LINGO2: variants seen among roughly 807,000 people sequenced by gnomAD.
LINGO2 encodes leucine rich repeat and Ig domain containing 2, also known as leucine-rich repeat and immunoglobulin-like domain-containing nogo receptor-interacting protein 2.
Under a neutral mutation model 30.6 loss-of-function variants are expected in LINGO2, and 14 were observed. That is an observed-to-expected ratio of 0.46 (90% CI 0.30 to 0.72). The LOEUF is 0.72. Among genes scored for constraint, LINGO2 ranks in the 30% least tolerant of loss-of-function variants. The pLI is 0.07. For synonymous variants in LINGO2, 317 were observed against 288.5 expected (o/e 1.10, Z -1.00); for missense variants, 729 against 751.7 (o/e 0.97, Z 0.35).
the LINGO2 span, among the ~76,000 whole-genome samples, chr9:28,693,860 TC>T: frequency 6.6e-6 from 1 of 152,086 alleles, no homozygotes; most frequent in Non-Finnish European, 1.5e-5. Flanking sequence ...TAAATTGCTT[TC>T]CCATGTTGTT....
At chr9:28,785,845 T>C in the LINGO2 span, among the ~76,000 whole-genome samples, 6 of 152,222 alleles carry the variant, frequency 3.9e-5, no homozygotes, top group African/African-American at 1.2e-4. Flanking sequence ...AAGGGACTTA[T>C]ATTGATGTTA....
At chr9:28,793,865 T>G in the LINGO2 span, among the ~76,000 whole-genome samples, 1 of 152,160 alleles carries the variant, frequency 6.6e-6, no homozygotes, top group Admixed American at 6.5e-5. Context: ...TTCACATGCA[T>G]ATTAAAGTTT....
intron 1 of LINGO2, among the ~76,000 whole-genome samples, chr9:28,496,361 A>G (rs2135292037): frequency 6.6e-6 from 1 of 152,124 alleles, no homozygotes; most frequent in Admixed American, 6.5e-5. Flanking sequence ...GGGTGCATAT[A>G]TATTTAGGAT....
intron 4 of LINGO2, among the ~76,000 whole-genome samples, chr9:28,239,953 G>A (rs1380249249): frequency 3.9e-5 from 6 of 151,954 alleles, no homozygotes; most frequent in African/African-American, 7.2e-5. Context: ...ATACAAAATC[G>A]TCATATAAAA....
chr9:28,776,700 T>G, the LINGO2 span, among the ~76,000 whole-genome samples: 1 of 152,138 alleles, frequency 6.6e-6, no homozygotes. Flanking sequence ...AGACACTGTC[T>G]TTCCTTTTCA....
chr9:28,298,499 CAAAAA>C (rs113910404), intron 3 of LINGO2, among the ~76,000 whole-genome samples: 2 of 112,386 alleles, frequency 1.8e-5, no homozygotes, highest in African/African-American at 6.5e-5. Context: ...CTGTCTCTAC[CAAAAA>C]AAAAAAAAAA....
chr9:28,119,346 G>GATTTTAAGCTGTAATGAAGTAGTT (rs1827027029), intron 4 of LINGO2, among the ~76,000 whole-genome samples: 21 of 152,296 alleles, frequency 1.4e-4, no homozygotes, highest in Admixed American at 1.4e-3. Context: ...AGAAATACAT[G>GATTTTAAGCTGTAATGAAGTAGTT]ATTTTAAGCT....
chr9:28,203,258 A>G (rs1820298547), intron 4 of LINGO2, among the ~76,000 whole-genome samples: 2 of 152,182 alleles, frequency 1.3e-5, no homozygotes, highest in Non-Finnish European at 1.5e-5. Context: ...ACTACTTGAG[A>G]GTACTTTTAT....
exon 6 of LINGO2, chr9:27,950,640 G>T: frequency 6.6e-7 from 1 of 1,512,348 alleles, no homozygotes; most frequent in South Asian, 1.4e-5. Flanking sequence ...ACCCAGGAAT[G>T]GCTGCCAGCA....
intron 1 of LINGO2, among the ~76,000 whole-genome samples, chr9:28,512,593 G>A (rs10118465): frequency 0.39 from 3,588 of 9,186 alleles, 262 homozygotes; most frequent in East Asian, 0.42. Flanking sequence ...ATATATGTGT[G>A]TATATATATA....
At chr9:28,084,374 G>A (rs1825851865) in intron 4 of LINGO2, among the ~76,000 whole-genome samples, 2 of 151,974 alleles carry the variant, frequency 1.3e-5, no homozygotes, top group African/African-American at 4.8e-5. Context: ...CAAAAGATAA[G>A]TAAAATATTT....
At chr9:29,209,313 G>A in the LINGO2 span, among the ~76,000 whole-genome samples, 11 of 152,134 alleles carry the variant, frequency 7.2e-5, no homozygotes, top group African/African-American at 2.4e-4. Context: ...ATAAACTGAT[G>A]ACTCGAACTC....
the LINGO2 span, among the ~76,000 whole-genome samples, chr9:29,022,927 A>G: frequency 6.6e-6 from 1 of 151,952 alleles, no homozygotes; most frequent in Admixed American, 6.6e-5. Context: ...ATTTCTGAAT[A>G]AGTGAACTCA....
rs1381096508 is a variant in LINGO2 at position 28,032,437 on chromosome 9, A to C, written c.-86-20032T>G. 2.0e-5 allele frequency among the ~76,000 whole-genome samples: 3 copies of C among 152,032 alleles called. No homozygotes were observed. The East Asian group carries it at 5.8e-4, about 29-fold the overall frequency. ...TCTTTGTCAACATTACATATGATTC[A>C]CATAACTAACTGCTCATGCCTTATG... On this transcript the variant is annotated intron_variant, in intron 4 of 5. Transcript: ENST00000379992.
intron 4 of LINGO2, among the ~76,000 whole-genome samples, chr9:28,028,076 G>T (rs1823471535): frequency 6.6e-6 from 1 of 152,122 alleles, no homozygotes; most frequent in Admixed American, 6.6e-5. Flanking sequence ...ATTCAGAGAA[G>T]AAAATAGTGT....
intron 4 of LINGO2, among the ~76,000 whole-genome samples, chr9:28,156,706 T>G (rs890285027): frequency 3.9e-5 from 6 of 152,224 alleles, no homozygotes; most frequent in African/African-American, 1.4e-4. Context: ...AGTTAGTTAC[T>G]TCATAGATAC....
chr9:28,740,395 A>G, the LINGO2 span, among the ~76,000 whole-genome samples: 3 of 151,824 alleles, frequency 2.0e-5, no homozygotes, highest in African/African-American at 7.3e-5. Context: ...CCCTTCCATC[A>G]TATCAGTTTT....
intron 4 of LINGO2, among the ~76,000 whole-genome samples, chr9:28,121,659 C>A (rs1424289394): frequency 1.3e-5 from 2 of 152,046 alleles, no homozygotes; most frequent in African/African-American, 4.8e-5. Flanking sequence ...AAAATGTGTC[C>A]CTTACAAGAA....
At chr9:28,585,881 T>A (rs1042363431) in intron 1 of LINGO2, among the ~76,000 whole-genome samples, 1 of 152,044 alleles carries the variant, frequency 6.6e-6, no homozygotes, top group African/African-American at 2.4e-5. Context: ...GTTTGGGGAA[T>A]CATCTCAGTT....
Sources: gnomAD v4.1 joint callset for allele counts (sites outside exome capture counted in the v4.1 genomes callset) on GRCh38, gnomAD v4.1.1 for gene constraint, MANE v1.5 for transcripts, NCBI Gene and HGNC (gene_info 2026-07-23, HGNC 2026-07-21) for gene names.